Variants in CAPZB observed in about 807,000 individuals in gnomAD.
CAPZB encodes the protein F-actin-capping protein subunit beta.
CAPZB carries 2 observed loss-of-function variants against 38.1 expected under a neutral mutation model. That is an observed-to-expected ratio of 0.05 (90% CI 0.02 to 0.17). CAPZB has a LOEUF of 0.17. Ranked by LOEUF, CAPZB falls within the 10% of genes least tolerant of loss-of-function variation. The pLI, the probability that CAPZB is intolerant of heterozygous loss-of-function variation, is 1.00. For synonymous variants in CAPZB, 107 were observed against 127.4 expected, an observed-to-expected ratio of 0.84 and a Z score of 1.08; for missense variants, 161 against 334.2, an observed-to-expected ratio of 0.48 and a Z score of 4.04.
chr1:19,466,517 G>C (rs565147515), intron 1 of CAPZB, among the ~76,000 whole-genome samples: 2 of 152,316 alleles, frequency 1.3e-5, no homozygotes, highest in East Asian at 3.9e-4. Context: ...AGGTACCACT[G>C]AATGGCATCC....
chr1:19,394,338 T>C (rs2094254369), intron 2 of CAPZB, among the ~76,000 whole-genome samples: 1 of 152,240 alleles, frequency 6.6e-6, no homozygotes, highest in Non-Finnish European at 1.5e-5. Context: ...CTGTGAAGGC[T>C]GTAAGTTGTA....
intron 6 of CAPZB, among the ~76,000 whole-genome samples, chr1:19,348,074 T>C (rs2093971687): frequency 6.6e-6 from 1 of 152,160 alleles, no homozygotes; most frequent in African/African-American, 2.4e-5. Flanking sequence ...AGGAAAGCTT[T>C]TGTGCAACTT....
chr1:19,385,199 C>T (rs538883415), intron 3 of CAPZB, among the ~76,000 whole-genome samples: 1 of 152,272 alleles, frequency 6.6e-6, no homozygotes, highest in East Asian at 1.9e-4. Context: ...TGTTTTTGAA[C>T]AACATCCCTC....
intron 1 of CAPZB, among the ~76,000 whole-genome samples, chr1:19,464,949 G>C (rs555760114): frequency 6.6e-6 from 1 of 152,152 alleles, no homozygotes; most frequent in Non-Finnish European, 1.5e-5. Flanking sequence ...TGAGGAAACT[G>C]TTCTATAACT....
At chr1:19,419,292 A>G (rs1004827959) in intron 2 of CAPZB, among the ~76,000 whole-genome samples, 5 of 152,224 alleles carry the variant, frequency 3.3e-5, no homozygotes, top group African/African-American at 1.2e-4. Context: ...AACTCACACC[A>G]TAGCAGAGAC....
chr1:19,381,684 ATTTTTTT>A (rs869210528), intron 3 of CAPZB, among the ~76,000 whole-genome samples: 42 of 84,538 alleles, frequency 5.0e-4, no homozygotes, highest in African/African-American at 1.1e-3. Context: ...TGCCCAGCTA[ATTTTTTT>A]TTTTTTTTTT....
At chr1:19,482,105 T>C (rs977842762) in intron 1 of CAPZB, among the ~76,000 whole-genome samples, 5 of 152,240 alleles carry the variant, frequency 3.3e-5, no homozygotes, top group Non-Finnish European at 2.9e-5. Flanking sequence ...TGCCACCATT[T>C]CCCTGTGGTC....
At chr1:19,436,457 T>G (rs2094458426) in intron 1 of CAPZB, among the ~76,000 whole-genome samples, 1 of 152,180 alleles carries the variant, frequency 6.6e-6, no homozygotes, top group Non-Finnish European at 1.5e-5. Context: ...CAAAAGGGCT[T>G]CTTTAAGTGC....
At chr1:19,379,630 T>G (rs951698184) in intron 3 of CAPZB, among the ~76,000 whole-genome samples, 1 of 152,182 alleles carries the variant, frequency 6.6e-6, no homozygotes, top group African/African-American at 2.4e-5. Flanking sequence ...ATCCAAGAGC[T>G]ATGCACACAT....
At chr1:19,432,053 A>G (rs4997933) in intron 1 of CAPZB, among the ~76,000 whole-genome samples, 4 of 88,302 alleles carry the variant, frequency 4.5e-5, no homozygotes, top group African/African-American at 6.7e-5. Context: ...AAAAAAAAAA[A>G]AAAAAAAAAA....
chr1:19,472,168 G>A (rs1327609857), intron 1 of CAPZB, among the ~76,000 whole-genome samples: 6 of 152,204 alleles, frequency 3.9e-5, no homozygotes, highest in South Asian at 4.1e-4. Flanking sequence ...CAGTGTTTAA[G>A]AAAATGCGAG....
intron 2 of CAPZB, among the ~76,000 whole-genome samples, chr1:19,414,234 G>A (rs189646431): frequency 9.3e-4 from 142 of 152,276 alleles, no homozygotes; most frequent in African/African-American, 3.2e-3. Context: ...GTGGCGATGC[G>A]GGGGTGACAG....
chr1:19,485,158 C>A (rs66657441), intron 1 of CAPZB, among the ~76,000 whole-genome samples: 20,566 of 152,184 alleles, frequency 0.14, 1,433 homozygotes, highest in East Asian at 0.23. Flanking sequence ...CTAGCCTGGG[C>A]TATGGGAGAG....
At position 19,338,969 on chromosome 1, in the gene CAPZB, C is replaced by CG. The variant is rs1431803310; in HGVS notation, c.*560_*561insC. 2 of 152,630 alleles carry CG rather than the reference C, an allele frequency of 1.3e-5. No individual in the cohort carries two copies. Among genetic ancestry groups the CG allele is most frequent in the African/African-American group, 4.8e-5 (2 of 41,396 alleles). 9.5% of individuals were successfully genotyped at this position (152,630 alleles called of 1,614,324 possible). A position where few individuals can be genotyped will look rare whatever the true frequency, so the allele number is the denominator to read the frequency against. ...GAGCGGAACGGTCGGCGGCACCCCC[C>CG]CCAGCCCCCACCCCGCGGCCTCCGT... On this transcript the variant is annotated 3_prime_UTR_variant, in exon 9 of 9. Coordinates refer to ENST00000264202, the MANE Select transcript of CAPZB (RefSeq NM_004930.5).
At position 19,448,992 on chromosome 1, in the gene CAPZB, G is replaced by A. The variant is rs558853138; in HGVS notation, c.4-29242C>T. On this transcript the variant is annotated intron_variant, in intron 1 of 8. Transcript: ENST00000264202. ...GGGCAAGAGGAAGTGGAAACATGAC[G>A]TGACTAGGGACGCTGCCCCAGGCTG... is the stretch of plus-strand genomic sequence containing the variant. 329 of 1,590,086 alleles carry A rather than the reference G, an allele frequency of 2.1e-4. 1 individual carries two copies. In the African/African-American group the frequency reaches 3.9e-3, roughly 19 times the overall value.
At chr1:19,452,842 C>G (rs868003451) in intron 1 of CAPZB, among the ~76,000 whole-genome samples, 1 of 142,230 alleles carries the variant, frequency 7.0e-6, no homozygotes, top group African/African-American at 2.6e-5. Flanking sequence ...CTCACTCTGT[C>G]GCCCAGGCTA....
intron 1 of CAPZB, chr1:19,484,139 A>G: frequency 6.3e-7 from 1 of 1,577,052 alleles, no homozygotes. Context: ...CTTCTTTACC[A>G]AAACAAACAC....
chr1:19,419,566 T>A (rs2094393460), intron 2 of CAPZB, 95 bp downstream of exon 2: 1 of 728,638 alleles, frequency 1.4e-6, no homozygotes, highest in Non-Finnish European at 2.4e-6. Context: ...GAGAAAAGGT[T>A]TCCTGTGTTG....
rs916146644 is a variant in CAPZB, at chr1:19,356,890, C to T, written c.472-139G>A. On this transcript the variant is annotated intron_variant, in intron 5 of 8. Transcript: ENST00000264202. This position sits in a 1 kb window ranked among gnomAD's most constrained non-coding sequence, Gnocchi z 4.3. ...TTTTTTTTTAAATTGGAGACAAAGTCTCGCTCTGTCACCCAGGCTGGAGTG... is the reference window on the plus strand; with the variant it reads ...TTTTTTTTTAAATTGGAGACAAAGTTTCGCTCTGTCACCCAGGCTGGAGTG... 1 of 647,030 alleles carries T rather than the reference C, an allele frequency of 1.5e-6. No homozygotes were observed. Among genetic ancestry groups the T allele is most frequent in the Non-Finnish European group, 2.7e-6 (1 of 366,180 alleles). 40.1% of individuals were successfully genotyped at this position (647,030 alleles called of 1,614,324 possible).
Sources: gnomAD v4.1 joint callset for allele counts (sites outside exome capture counted in the v4.1 genomes callset) on GRCh38, gnomAD v4.1.1 for gene constraint, Gnocchi (gnomAD v3.1) non-coding constraint, MANE v1.5 for transcripts, NCBI Gene and HGNC (gene_info 2026-07-23, HGNC 2026-07-21) for gene names.